Variants in ITGA11 observed in about 807,000 individuals in gnomAD.
ITGA11 encodes the protein integrin alpha-11.
A neutral mutation model predicts 141.9 loss-of-function variants in ITGA11; 97 were observed. The observed-to-expected ratio is 0.68, with a 90% CI of 0.58 to 0.81. The LOEUF is 0.81. Ranked by LOEUF, ITGA11 falls within the 30% of genes least tolerant of loss-of-function variation. The pLI is 0.00. For synonymous variants in ITGA11, 658 were observed against 624.6 expected, an observed-to-expected ratio of 1.05 and a Z score of -0.80; for missense variants, 1,387 against 1,559.2, an observed-to-expected ratio of 0.89 and a Z score of 1.86.
chr15:68,325,924 G>A lies in ITGA11; in HGVS notation c.2212-683C>T, dbSNP rs1038795744. ...GGAGCTTGTTAAAACACAGGGTGCTGGCGCCAGCCCCAGCCCCAGCCCCAG... is the reference window on the plus strand; with the variant it reads ...GGAGCTTGTTAAAACACAGGGTGCTAGCGCCAGCCCCAGCCCCAGCCCCAG... On this transcript the variant is annotated intron_variant, in intron 17 of 29. Coordinates refer to ENST00000315757, the MANE Select transcript of ITGA11 (RefSeq NM_001004439.2). The surrounding 1 kb of genome is among the most constrained non-coding windows in gnomAD (Gnocchi z 5.5). 6.6e-6 allele frequency among the ~76,000 whole-genome samples: 1 copy of A among 152,224 alleles called. No homozygotes were observed. Among genetic ancestry groups the A allele is most frequent in the Admixed American group, 6.5e-5 (1 of 15,284 alleles).
In ITGA11 at chr15:68,400,780, ATATTATATTATATATTATATAATAAATAT is replaced by A. The variant is rs1396756596; in HGVS notation, c.164+2109_164+2137del. On this transcript the variant is annotated intron_variant, in intron 2 of 29. Coordinates refer to ENST00000315757, the MANE Select transcript of ITGA11 (RefSeq NM_001004439.2). The stretch of plus-strand genomic sequence containing the variant: ...TATAATATTATATATTATATAATAA[ATATTATATTATATATTATATAATAAATAT>A]TATAATATTATATATTATATAATAA... Among the ~76,000 whole-genome samples, 10 of 23,652 alleles carry A rather than the reference ATATTATATTATATATTATATAATAAATAT, an allele frequency of 4.2e-4. 5 individuals are homozygous for A. Among genetic ancestry groups the A allele is most frequent in the African/African-American group, 2.0e-3 (10 of 5,054 alleles). 15.5% of individuals were successfully genotyped at this position (23,652 alleles called of 152,430 possible).
intron 1 of ITGA11, among the ~76,000 whole-genome samples, chr15:68,428,828 A>T (rs1467824526): frequency 6.6e-6 from 1 of 152,190 alleles, no homozygotes; most frequent in Non-Finnish European, 1.5e-5. Flanking sequence ...CATCAAGAGC[A>T]TACTGACTTC....
At chr15:68,431,933 C>T (rs1897278417) in intron 1 of ITGA11, 82 bp downstream of exon 1, 5 of 1,029,206 alleles carry the variant, frequency 4.9e-6, no homozygotes, top group Admixed American at 4.3e-5. Context: ...GGTCGCGTCC[C>T]GATCCTGGCC....
At chr15:68,346,658 A>T (rs1174968246) in intron 10 of ITGA11, among the ~76,000 whole-genome samples, 2 of 152,122 alleles carry the variant, frequency 1.3e-5, no homozygotes, top group African/African-American at 4.8e-5. Context: ...CTGTGCCAGG[A>T]TGTCACCCAG....
chr15:68,302,943 G>T lies in ITGA11; in HGVS notation c.*116C>A. 1.3e-6 allele frequency: 1 copy of T among 794,358 alleles called. No individual in the cohort carries two copies. Among genetic ancestry groups the T allele is most frequent in the Non-Finnish European group, 2.0e-6 (1 of 494,758 alleles). 49.2% of individuals were successfully genotyped at this position (794,358 alleles called of 1,614,324 possible). ...GCCATTGCTCGGGAGATGAGGTCAA[G>T]TGCAAAGCCAGCTGGCTTCCTCTCC... On this transcript the variant is annotated 3_prime_UTR_variant, in exon 30 of 30. Coordinates refer to ENST00000315757, the MANE Select transcript of ITGA11 (RefSeq NM_001004439.2).
chr15:68,346,820 C>A (rs1894757676), intron 10 of ITGA11, among the ~76,000 whole-genome samples: 1 of 152,206 alleles, frequency 6.6e-6, no homozygotes, highest in African/African-American at 2.4e-5. Context: ...TCTATACTAC[C>A]TTGATCACGT....
chr15:68,319,918 T>C (rs1260615134), intron 20 of ITGA11, among the ~76,000 whole-genome samples: 3 of 151,926 alleles, frequency 2.0e-5, no homozygotes, highest in Non-Finnish European at 4.4e-5. Flanking sequence ...GGGGCAGGCT[T>C]TTTAAAGCTC....
chr15:68,387,623 C>G (rs533943990), intron 2 of ITGA11, among the ~76,000 whole-genome samples: 33 of 152,266 alleles, frequency 2.2e-4, no homozygotes, highest in East Asian at 5.8e-4. Flanking sequence ...TGGAGATTTT[C>G]TGTGTGTGTT....
Position 68,328,330 on chromosome 15 carries a change from A to C in ITGA11, c.1902-68T>G. On this transcript the variant is annotated intron_variant, in intron 15 of 29. Coordinates refer to ENST00000315757, the MANE Select transcript of ITGA11 (RefSeq NM_001004439.2). The surrounding 1 kb of genome is among the most constrained non-coding windows in gnomAD (Gnocchi z 4.8). ...AGGCTGCCCTGCTGTGACCATGGGGAAAGACAAGAACCAGATGCGAGTGGG... is the reference window on the plus strand; with the variant it reads ...AGGCTGCCCTGCTGTGACCATGGGGCAAGACAAGAACCAGATGCGAGTGGG... 6.9e-7 allele frequency: 1 copy of C among 1,449,454 alleles called. No homozygotes were observed. Among genetic ancestry groups the C allele is most frequent in the Non-Finnish European group, 9.5e-7 (1 of 1,057,168 alleles). The allele number at this position is 1,449,454 out of a possible 1,614,324, so 89.8% of individuals were successfully genotyped here. A position where few individuals can be genotyped will look rare whatever the true frequency, so the allele number is the denominator to read the frequency against.
Position 68,325,113 on chromosome 15 carries a change from C to A in ITGA11, c.2322+18G>T, listed in dbSNP as rs1893929592. On this transcript the variant is annotated intron_variant, in intron 18 of 29. Coordinates refer to ENST00000315757, the MANE Select transcript of ITGA11 (RefSeq NM_001004439.2). The surrounding 1 kb of genome is among the most constrained non-coding windows in gnomAD (Gnocchi z 5.5). The stretch of plus-strand genomic sequence containing the variant: ...GTGGGGTTCATGCCCGAGGTGCGTG[C>A]CCTGTACCGAGATGTACCGAGACTC... 6.3e-7 allele frequency: 1 copy of A among 1,591,376 alleles called. No individual in the cohort carries two copies. Among genetic ancestry groups the A allele is most frequent in the African/African-American group, 1.3e-5 (1 of 74,406 alleles).
Position 68,320,225 on chromosome 15 carries a change from G to A in ITGA11, c.2576C>T (p.Ser859Leu), listed in dbSNP as rs199735577. 177 of 1,614,024 alleles carry A rather than the reference G, an allele frequency of 1.1e-4. 1 individual carries two copies. The African/African-American group carries it at 1.2e-3, about 11-fold the overall frequency. The change falls in exon 20 of 30, where the codon TCG becomes TTG. Residue 859 changes from serine (S) to leucine (L), a missense_variant. By Grantham distance (145) the Ser-to-Leu change is moderately radical. Coordinates refer to ENST00000315757, the MANE Select transcript of ITGA11 (RefSeq NM_001004439.2). ...ENAYSTVLNI[S>L]QSANLQFASL... is the part of the protein sequence containing the mutation. ...GGCAAACTGCAGGTTTGCTGACTGC[G>A]AGATATTTAGGACCGTGCTGTAGGC...
At chr15:68,332,567 G>C in intron 12 of ITGA11, 89 bp from the exon 13 acceptor site, 3 of 1,455,446 alleles carry the variant, frequency 2.1e-6, no homozygotes, top group Non-Finnish European at 1.8e-6. Context: ...GGAAGCCAAG[G>C]TCATCCTTTG....
At chr15:68,387,371 T>C (rs1042168117) in intron 2 of ITGA11, among the ~76,000 whole-genome samples, 12 of 152,150 alleles carry the variant, frequency 7.9e-5, no homozygotes. Context: ...CCGCTAAGTG[T>C]GTGGTTCTCA....
At chr15:68,427,496 G>A (rs1037350684) in intron 1 of ITGA11, among the ~76,000 whole-genome samples, 1 of 152,144 alleles carries the variant, frequency 6.6e-6, no homozygotes, top group Non-Finnish European at 1.5e-5. Context: ...CTGCTGCTTG[G>A]TGAGTGCTTC....
At position 68,303,370 on chromosome 15, in the gene ITGA11, G is replaced by C. The variant is rs1893090856; in HGVS notation, c.3496-240C>G. Among the ~76,000 whole-genome samples the C allele has an allele frequency of 6.6e-6, 1 of 152,180 alleles. No homozygotes were observed. The highest frequency in any genetic ancestry group is 2.1e-4 in the South Asian group (1 of 4,828). On this transcript the variant is annotated intron_variant, in intron 29 of 29. Transcript: ENST00000315757. The surrounding 1 kb of genome is among the most constrained non-coding windows in gnomAD (Gnocchi z 5.3). ...CCATCTTGCTGTGTGACCAGCCCCA[G>C]CCAACATCCCTCTCTGGGCCTCCTT...
chr15:68,396,259 C>A (rs1394516937), intron 2 of ITGA11, among the ~76,000 whole-genome samples: 3 of 151,104 alleles, frequency 2.0e-5, no homozygotes, highest in African/African-American at 7.3e-5. Context: ...TCCAATCAAT[C>A]AATCAATCAA....
chr15:68,326,819 A>T lies in ITGA11; in HGVS notation c.2069-23T>A, dbSNP rs1295489369. 1.9e-6 allele frequency: 3 copies of T among 1,565,648 alleles called. No individual in the cohort carries two copies. The East Asian group carries it at 7.1e-5, about 37-fold the overall frequency. On this transcript the variant is annotated intron_variant, in intron 16 of 29. Coordinates refer to ENST00000315757, the MANE Select transcript of ITGA11 (RefSeq NM_001004439.2). This position sits in a 1 kb window ranked among gnomAD's most constrained non-coding sequence, Gnocchi z 6.8. Reference sequence around the variant, plus strand: ...TGCCTGCAGGAGGGGAGAGGGCAAGACCACAAAGGTGGAGCCACATGCCCA... The same window carrying T: ...TGCCTGCAGGAGGGGAGAGGGCAAGTCCACAAAGGTGGAGCCACATGCCCA...
chr15:68,330,360 T>G (rs1018147741), intron 15 of ITGA11, among the ~76,000 whole-genome samples: 6 of 152,196 alleles, frequency 3.9e-5, no homozygotes, highest in Non-Finnish European at 7.3e-5. Flanking sequence ...ACAGCATTAA[T>G]AGTGGCATTG....
chr15:68,361,920 C>T (rs1895256126), intron 4 of ITGA11: 1 of 477,446 alleles, frequency 2.1e-6, no homozygotes, highest in African/African-American at 2.0e-5. Flanking sequence ...AAAAACTGAT[C>T]TTGGAGTCTC....
Sources: gnomAD v4.1 joint callset for allele counts (sites outside exome capture counted in the v4.1 genomes callset) on GRCh38, gnomAD v4.1.1 for gene constraint, Gnocchi (gnomAD v3.1) non-coding constraint, MANE v1.5 for transcripts, NCBI Gene and HGNC (gene_info 2026-07-23, HGNC 2026-07-21) for gene names.